KCNH7: variants seen among roughly 807,000 people sequenced by gnomAD.
The protein encoded by KCNH7 is potassium voltage-gated channel subfamily H member 7.
A neutral mutation model predicts 120.8 loss-of-function variants in KCNH7; 49 were observed. That is an observed-to-expected ratio of 0.41 (90% CI 0.32 to 0.51). The LOEUF is 0.51. Among genes scored for constraint, KCNH7 ranks in the 20% least tolerant of loss-of-function variants. The pLI is 0.38. For missense variants in KCNH7, 1,097 were observed against 1,446.6 expected (o/e 0.76, Z 3.92); for synonymous variants, 547 against 516.1 (o/e 1.06, Z -0.81).
chr2:162,514,669 A>G (rs1403318630), intron 4 of KCNH7, among the ~76,000 whole-genome samples: 2 of 151,620 alleles, frequency 1.3e-5, no homozygotes, highest in Admixed American at 1.3e-4. Context: ...TTTTATGTCT[A>G]TTTTTTACAT....
intron 2 of KCNH7, among the ~76,000 whole-genome samples, chr2:162,818,837 C>T (rs1300391333): frequency 6.6e-6 from 1 of 152,100 alleles, no homozygotes; most frequent in Non-Finnish European, 1.5e-5. Context: ...ACATGTAAAA[C>T]ATGGCACGGC....
chr2:162,500,192 T>C (rs1001505254), intron 6 of KCNH7, among the ~76,000 whole-genome samples: 3 of 148,022 alleles, frequency 2.0e-5, no homozygotes, highest in Non-Finnish European at 4.5e-5. Context: ...ACATATATTA[T>C]ATACATTACA....
At chr2:162,682,848 C>T (rs528524271) in intron 2 of KCNH7, among the ~76,000 whole-genome samples, 1 of 151,640 alleles carries the variant, frequency 6.6e-6, no homozygotes. Flanking sequence ...CCATGGAGAA[C>T]CATAATTTCC....
chr2:162,652,434 G>T (rs73012212), intron 2 of KCNH7, among the ~76,000 whole-genome samples: 3 of 152,146 alleles, frequency 2.0e-5, no homozygotes, highest in Non-Finnish European at 4.4e-5. Context: ...GAGAGTGTGG[G>T]GGGAGGGGTA....
chr2:162,423,663 A>G, intron 8 of KCNH7, 128 bp from the exon 9 acceptor site: 1 of 819,446 alleles, frequency 1.2e-6, no homozygotes, highest in Non-Finnish European at 1.9e-6. Flanking sequence ...ATCACGGGGA[A>G]AAAAAGAAGT....
At chr2:162,682,731 A>G (rs1438270311) in intron 2 of KCNH7, among the ~76,000 whole-genome samples, 1 of 151,852 alleles carries the variant, frequency 6.6e-6, no homozygotes, top group Non-Finnish European at 1.5e-5. Flanking sequence ...TTGTAATCAA[A>G]GAGAAAATAG....
intron 2 of KCNH7, among the ~76,000 whole-genome samples, chr2:162,683,130 G>C (rs914285753): frequency 1.3e-5 from 2 of 151,770 alleles, no homozygotes; most frequent in Non-Finnish European, 2.9e-5. Context: ...AAATGAACCA[G>C]AACTCTTTAT....
At chr2:162,734,483 C>T (rs1019339617) in intron 2 of KCNH7, among the ~76,000 whole-genome samples, 4 of 151,976 alleles carry the variant, frequency 2.6e-5, no homozygotes, top group South Asian at 2.1e-4. Flanking sequence ...CACTTTTTGT[C>T]GATATTGCGT....
intron 2 of KCNH7, among the ~76,000 whole-genome samples, chr2:162,545,605 C>T (rs1423966583): frequency 6.6e-6 from 1 of 152,118 alleles, no homozygotes; most frequent in Non-Finnish European, 1.5e-5. Flanking sequence ...ATAGTATTGT[C>T]ATATTTGATT....
intron 2 of KCNH7, among the ~76,000 whole-genome samples, chr2:162,681,794 A>T (rs1685719138): frequency 6.6e-6 from 1 of 150,674 alleles, no homozygotes; most frequent in Non-Finnish European, 1.5e-5. Flanking sequence ...GTTCAAGTCA[A>T]GACTTGGGGT....
intron 2 of KCNH7, among the ~76,000 whole-genome samples, chr2:162,632,802 A>T (rs551489332): frequency 6.6e-6 from 1 of 151,998 alleles, no homozygotes; most frequent in Admixed American, 6.6e-5. Flanking sequence ...AAATTAGATC[A>T]TATATAGTGC....
intron 2 of KCNH7, among the ~76,000 whole-genome samples, chr2:162,550,705 G>A (rs1692640395): frequency 6.6e-6 from 1 of 152,008 alleles, no homozygotes; most frequent in South Asian, 2.1e-4. Flanking sequence ...CCAAATTTGA[G>A]CGTTTCAAAA....
At chr2:162,716,712 G>C (rs1253936006) in intron 2 of KCNH7, among the ~76,000 whole-genome samples, 1 of 152,084 alleles carries the variant, frequency 6.6e-6, no homozygotes, top group Non-Finnish European at 1.5e-5. Flanking sequence ...TATGCTATAA[G>C]TTTATGTGAA....
In KCNH7 at chr2:162,649,616, A is replaced by G. The variant is rs545744721; in HGVS notation, c.308-112536T>C. The stretch of plus-strand genomic sequence containing the variant: ...ATGGCAGAACCTGAGAACAAATCCT[A>G]TAGAAATGGGTCTTGATCTCCCATT... On this transcript the variant is annotated intron_variant, in intron 2 of 15. Coordinates refer to ENST00000332142, the MANE Select transcript of KCNH7 (RefSeq NM_033272.4). 4.7e-5 allele frequency among the ~76,000 whole-genome samples: 7 copies of G among 149,838 alleles called. No individual in the cohort carries two copies. The South Asian group carries it at 1.3e-3, about 27-fold the overall frequency.
chr2:162,775,878 G>A (rs1348132014), intron 2 of KCNH7, among the ~76,000 whole-genome samples: 1 of 152,152 alleles, frequency 6.6e-6, no homozygotes, highest in African/African-American at 2.4e-5. Context: ...CAGTTTTAAA[G>A]TACCTAGGCA....
Position 162,741,312 on chromosome 2 carries a change from TTACAC to T in KCNH7, c.307+95220_307+95224del, listed in dbSNP as rs1208070450. On this transcript the variant is annotated intron_variant, in intron 2 of 15. Coordinates refer to ENST00000332142, the MANE Select transcript of KCNH7 (RefSeq NM_033272.4). ...ACATATTAATAACATATGTTATTAA[TTACAC>T]ATATTAATAACATATGTTATTAATT... is the stretch of plus-strand genomic sequence containing the variant. Among the ~76,000 whole-genome samples, 21 of 149,944 alleles carry T rather than the reference TTACAC, an allele frequency of 1.4e-4. No homozygotes were observed. In the East Asian group the frequency reaches 3.9e-3, roughly 28 times the overall value.
intron 2 of KCNH7, 64 bp downstream of exon 2, chr2:162,836,473 T>C: frequency 1.5e-6 from 2 of 1,322,704 alleles, no homozygotes; most frequent in Non-Finnish European, 2.1e-6. Flanking sequence ...ATATGAACTT[T>C]TAATAGTCAA....
chr2:162,689,458 A>T lies in KCNH7; in HGVS notation c.307+147079T>A, dbSNP rs543059913. On this transcript the variant is annotated intron_variant, in intron 2 of 15. Transcript: ENST00000332142. Reference sequence around the variant, plus strand: ...TGAGCCACCTTGCCCAGCCAAATTTAATTATTATGGGTATTTAGATGTCTC... The same window carrying T: ...TGAGCCACCTTGCCCAGCCAAATTTTATTATTATGGGTATTTAGATGTCTC... Among the ~76,000 whole-genome samples, 8 of 151,964 alleles carry T rather than the reference A, an allele frequency of 5.3e-5. No homozygotes were observed. The South Asian group carries it at 1.2e-3, about 24-fold the overall frequency.
intron 2 of KCNH7, among the ~76,000 whole-genome samples, chr2:162,552,511 G>C (rs1218924109): frequency 6.6e-6 from 1 of 152,178 alleles, no homozygotes; most frequent in Non-Finnish European, 1.5e-5. Context: ...TCATTCCTCT[G>C]TCATACAGAT....
Sources: allele counts gnomAD v4.1 joint callset (sites outside exome capture counted in the v4.1 genomes callset), GRCh38; gene constraint gnomAD v4.1.1; transcripts MANE v1.5; gene names NCBI Gene and HGNC (gene_info 2026-07-23, HGNC 2026-07-21).